The following CALN1 variants were observed in gnomAD, a reference collection of about 807,000 sequenced individuals.
CALN1 encodes calneuron 1.
A neutral mutation model predicts 30.6 loss-of-function variants in CALN1; 17 were observed. That is an observed-to-expected ratio of 0.56 (90% CI 0.38 to 0.83). CALN1 has a LOEUF of 0.83. Ranked by LOEUF, CALN1 falls within the 40% of genes least tolerant of loss-of-function variation. CALN1 has a pLI of 0.00. For missense variants in CALN1, 291 were observed against 354.9 expected, an observed-to-expected ratio of 0.82 and a Z score of 1.45; for synonymous variants, 156 against 131.4, an observed-to-expected ratio of 1.19 and a Z score of -1.28.
intron 5 of CALN1, among the ~76,000 whole-genome samples, chr7:71,947,014 G>GTTGTTT (rs1796439077): frequency 6.6e-6 from 1 of 151,898 alleles, no homozygotes; most frequent in Non-Finnish European, 1.5e-5. Flanking sequence ...TGTTGTTGTT[G>GTTGTTT]TTGTTTGTTT....
chr7:72,127,989 G>C (rs1220459394), intron 3 of CALN1, among the ~76,000 whole-genome samples: 1 of 152,106 alleles, frequency 6.6e-6, no homozygotes, highest in Non-Finnish European at 1.5e-5. Flanking sequence ...AATGGTGGGG[G>C]CAGGAGTGAT....
chr7:72,300,547 A>G (rs1799186035), intron 2 of CALN1, among the ~76,000 whole-genome samples: 2 of 152,254 alleles, frequency 1.3e-5, no homozygotes, highest in South Asian at 2.1e-4. Flanking sequence ...AAACATCTTT[A>G]TAATGTACCA....
chr7:72,355,430 A>G (rs571774626), intron 2 of CALN1, among the ~76,000 whole-genome samples: 53 of 152,200 alleles, frequency 3.5e-4, no homozygotes, highest in African/African-American at 1.2e-3. Flanking sequence ...GGAGGCTGAG[A>G]CAGGAGAATT....
At chr7:72,442,036 C>T (rs1177186479) in intron 1 of CALN1, among the ~76,000 whole-genome samples, 1 of 152,174 alleles carries the variant, frequency 6.6e-6, no homozygotes, top group African/African-American at 2.4e-5. Context: ...GCCAAGGAAG[C>T]TTGAGTCATC....
intron 3 of CALN1, among the ~76,000 whole-genome samples, chr7:72,252,057 A>G (rs988837444): frequency 1.3e-5 from 2 of 152,176 alleles, no homozygotes; most frequent in Admixed American, 1.3e-4. Flanking sequence ...GCGTCCCCAA[A>G]GTCCAGACTC....
intron 6 of CALN1, among the ~76,000 whole-genome samples, chr7:71,807,972 G>T (rs1787719315): frequency 6.6e-6 from 1 of 152,116 alleles, no homozygotes; most frequent in Non-Finnish European, 1.5e-5. Flanking sequence ...TATTCGGGAG[G>T]CTGAGGCAGG....
chr7:72,309,665 A>G (rs376288393), intron 2 of CALN1, among the ~76,000 whole-genome samples: 12 of 152,070 alleles, frequency 7.9e-5, no homozygotes, highest in African/African-American at 2.9e-4. Context: ...CAAAACAAGC[A>G]CAAGTGCAAG....
At chr7:72,337,197 A>C in intron 2 of CALN1, 2 of 984,936 alleles carry the variant, frequency 2.0e-6, no homozygotes, top group African/African-American at 1.7e-5. Flanking sequence ...GCTCCTCCCC[A>C]GCGGATCCCC....
chr7:72,501,948 T>TATATATAC, the CALN1 span, among the ~76,000 whole-genome samples: 16 of 72,350 alleles, frequency 2.2e-4, 1 homozygote, highest in African/African-American at 8.7e-4. Context: ...TATATATATA[T>TATATATAC]ACACACATAT....
chr7:71,980,378 G>A (rs767702001), intron 5 of CALN1, among the ~76,000 whole-genome samples: 10 of 151,280 alleles, frequency 6.6e-5, no homozygotes, highest in Non-Finnish European at 1.5e-4. Context: ...GTAGAGACAG[G>A]GTTTTACCAT....
At chr7:72,184,888 A>C (rs533869523) in intron 3 of CALN1, among the ~76,000 whole-genome samples, 1 of 151,914 alleles carries the variant, frequency 6.6e-6, no homozygotes, top group South Asian at 2.1e-4. Flanking sequence ...GAACTCCTGG[A>C]CTCAAGTGAT....
intron 5 of CALN1, among the ~76,000 whole-genome samples, chr7:72,014,085 C>CTTTTTTTT (rs71092941): frequency 8.1e-6 from 1 of 123,402 alleles, no homozygotes; most frequent in African/African-American, 3.0e-5. Context: ...TGAGTTGGCT[C>CTTTTTTTT]TTTTTTTTTT....
At chr7:72,491,052 G>C in the CALN1 span, among the ~76,000 whole-genome samples, 4 of 152,088 alleles carry the variant, frequency 2.6e-5, no homozygotes, top group East Asian at 7.7e-4. Context: ...AGACCATCCT[G>C]GATAACATGG....
At chr7:72,003,779 T>C (rs1799639475) in intron 5 of CALN1, among the ~76,000 whole-genome samples, 1 of 152,166 alleles carries the variant, frequency 6.6e-6, no homozygotes, top group South Asian at 2.1e-4. Flanking sequence ...TACAATGTAA[T>C]AATAATAGAA....
intron 1 of CALN1, among the ~76,000 whole-genome samples, chr7:72,436,335 G>T (rs570211411): frequency 2.2e-4 from 33 of 152,288 alleles, no homozygotes; most frequent in African/African-American, 7.7e-4. Context: ...TTATAAGGGG[G>T]AGTTGCCCTG....
At chr7:71,819,388 C>A (rs1051961159) in intron 5 of CALN1, among the ~76,000 whole-genome samples, 1 of 150,998 alleles carries the variant, frequency 6.6e-6, no homozygotes, top group Non-Finnish European at 1.5e-5. Context: ...CTTGTATTCA[C>A]CATGTTGGTT....
At chr7:71,920,404 C>T (rs1382974604) in intron 5 of CALN1, among the ~76,000 whole-genome samples, 1 of 140,830 alleles carries the variant, frequency 7.1e-6, no homozygotes, top group Non-Finnish European at 1.5e-5. Flanking sequence ...GGTGCGATCT[C>T]GGCTCACTGC....
chr7:72,374,410 TCTCA>T (rs1804421479), intron 2 of CALN1, among the ~76,000 whole-genome samples: 1 of 151,604 alleles, frequency 6.6e-6, no homozygotes, highest in South Asian at 2.1e-4. Context: ...GCGCCTGTAA[TCTCA>T]GCTATTCAGG....
chr7:72,060,918 A>C (rs974766155), intron 4 of CALN1, among the ~76,000 whole-genome samples: 2 of 152,220 alleles, frequency 1.3e-5, no homozygotes, highest in African/African-American at 4.8e-5. Flanking sequence ...TGTTTTCTTT[A>C]TAAATTACTC....
Sources: gnomAD v4.1 joint callset for allele counts (sites outside exome capture counted in the v4.1 genomes callset) on GRCh38, gnomAD v4.1.1 for gene constraint, MANE v1.5 for transcripts, NCBI Gene and HGNC (gene_info 2026-07-23, HGNC 2026-07-21) for gene names.